Variants in SLC30A8 observed in about 807,000 individuals in gnomAD.
SLC30A8 encodes solute carrier family 30 member 8, also known as proton-coupled zinc antiporter SLC30A8.
SLC30A8 carries 27 observed loss-of-function variants against 36.9 expected under a neutral mutation model. That is an observed-to-expected ratio of 0.73 (90% CI 0.54 to 1.01). SLC30A8 has a LOEUF of 1.01. SLC30A8 is among the 50% of genes least tolerant of loss of function. SLC30A8 has a pLI of 0.00. For missense variants in SLC30A8, 439 were observed against 452.0 expected, an observed-to-expected ratio of 0.97 and a Z score of 0.26; for synonymous variants, 164 against 172.4, an observed-to-expected ratio of 0.95 and a Z score of 0.38.
chr8:116,977,413 A>G (rs1386800567), intron 1 of SLC30A8, among the ~76,000 whole-genome samples: 1 of 149,236 alleles, frequency 6.7e-6, no homozygotes, highest in Non-Finnish European at 1.5e-5. Context: ...TCCACCTCCC[A>G]AAGTATTGGG....
chr8:117,058,156 T>C (rs1817925834), intron 2 of SLC30A8, among the ~76,000 whole-genome samples: 1 of 152,314 alleles, frequency 6.6e-6, no homozygotes, highest in Non-Finnish European at 1.5e-5. Context: ...GAGGACCTTT[T>C]TGTATGTCTG....
At chr8:117,049,333 A>G (rs1199826718) in intron 2 of SLC30A8, among the ~76,000 whole-genome samples, 1 of 152,252 alleles carries the variant, frequency 6.6e-6, no homozygotes, top group Non-Finnish European at 1.5e-5. Context: ...TTAGATGTAT[A>G]CGTAGTTACA....
intron 2 of SLC30A8, among the ~76,000 whole-genome samples, chr8:117,062,925 G>GA (rs1194331096): frequency 6.6e-6 from 1 of 152,164 alleles, no homozygotes; most frequent in Non-Finnish European, 1.5e-5. Context: ...TTCCTGATTG[G>GA]AATCCTCACT....
chr8:116,957,001 CATGAT>C (rs545402579), intron 1 of SLC30A8, among the ~76,000 whole-genome samples: 116 of 152,240 alleles, frequency 7.6e-4, no homozygotes, highest in African/African-American at 2.3e-3. Context: ...TTTCAATACT[CATGAT>C]ATGAGTGCAA....
intron 2 of SLC30A8, among the ~76,000 whole-genome samples, chr8:117,075,621 T>C (rs1395373682): frequency 6.6e-6 from 1 of 152,232 alleles, no homozygotes; most frequent in African/African-American, 2.4e-5. Flanking sequence ...AATTTTTTCT[T>C]TCTACATTGT....
intron 1 of SLC30A8, among the ~76,000 whole-genome samples, chr8:117,034,159 T>C (rs924781612): frequency 1.3e-5 from 2 of 152,172 alleles, no homozygotes; most frequent in African/African-American, 4.8e-5. Context: ...GCAGATTCAG[T>C]GAGATTAAAT....
rs1292566236 is a variant in SLC30A8, at chr8:117,175,916, T to C, written c.*3235T>C. 2 of 152,086 alleles carry C rather than the reference T, an allele frequency of 1.3e-5. No individual in the cohort carries two copies. Among genetic ancestry groups the C allele is most frequent in the African/African-American group, 2.4e-5 (1 of 41,434 alleles). 9.4% of individuals were successfully genotyped at this position (152,086 alleles called of 1,614,324 possible). ...ATTAATTAAAATAGTCGAATCCCTT[T>C]CTGACTGTCTCTGAAAGCTTCCGCT... On this transcript the variant is annotated 3_prime_UTR_variant, in exon 8 of 8. Coordinates refer to ENST00000456015, the MANE Select transcript of SLC30A8 (RefSeq NM_173851.3).
intron 1 of SLC30A8, among the ~76,000 whole-genome samples, chr8:117,028,491 A>G (rs756069629): frequency 6.6e-6 from 1 of 151,912 alleles, no homozygotes; most frequent in Non-Finnish European, 1.5e-5. Flanking sequence ...TGGAATTAGA[A>G]ACATGAGCTA....
chr8:117,013,709 A>T (rs536196918), intron 1 of SLC30A8, among the ~76,000 whole-genome samples: 1 of 152,130 alleles, frequency 6.6e-6, no homozygotes, highest in Non-Finnish European at 1.5e-5. Context: ...AGAATTATCT[A>T]GGAGGGACAG....
intron 1 of SLC30A8, among the ~76,000 whole-genome samples, chr8:116,976,816 TTCTTTC>T (rs1217827722): frequency 1.4e-5 from 2 of 142,546 alleles, no homozygotes; most frequent in African/African-American, 5.8e-5. Flanking sequence ...CTTTCTTTCT[TTCTTTC>T]TTTTTTTTTT....
In SLC30A8 at chr8:117,079,019, C is replaced by CT. The variant is rs369586312; in HGVS notation, c.-226+39771dup. Among the ~76,000 whole-genome samples the CT allele has an allele frequency of 9.2e-4, 136 of 147,472 alleles. 2 individuals are homozygous for CT. The highest frequency in any genetic ancestry group is 3.2e-3 in the African/African-American group (129 of 40,298). ...CTCTTTTTTCTTTTCTCTTTTTTGT[C>CT]TTTTTTTTTTGAGACAGAGTCTTGC... On this transcript the variant is annotated intron_variant, in intron 2 of 10. Coordinates refer to the SLC30A8 transcript ENST00000427715.
chr8:116,976,813 TC>T (rs1815034686), intron 1 of SLC30A8, among the ~76,000 whole-genome samples: 1 of 142,272 alleles, frequency 7.0e-6, no homozygotes, highest in Non-Finnish European at 1.5e-5. Context: ...TTTCTTTCTT[TC>T]TTTCTTTCTT....
intron 2 of SLC30A8, among the ~76,000 whole-genome samples, chr8:117,061,080 G>A (rs913416174): frequency 1.3e-5 from 2 of 152,188 alleles, no homozygotes; most frequent in Admixed American, 6.5e-5. Context: ...CAGAAAACGA[G>A]TATTGTTTTG....
At chr8:117,130,466 A>C (rs1373104112), upstream of SLC30A8, among the ~76,000 whole-genome samples, 1 of 151,994 alleles carries the variant, frequency 6.6e-6, no homozygotes, top group Non-Finnish European at 1.5e-5. Context: ...AAGGAAAATA[A>C]ACAGTGCTCA....
intron 2 of SLC30A8, chr8:117,055,882 G>A (rs1478979280): frequency 6.6e-6 from 1 of 152,226 alleles, no homozygotes; most frequent in African/African-American, 2.4e-5. Flanking sequence ...AACAAATGAA[G>A]AGGGATCTGC....
intron 2 of SLC30A8, among the ~76,000 whole-genome samples, chr8:117,085,343 G>A (rs35355401): frequency 0.12 from 18,453 of 152,072 alleles, 1,198 homozygotes; most frequent in East Asian, 0.14. Context: ...CTTCTACTCA[G>A]TTCTTTTCAC....
chr8:117,017,607 A>G (rs189752753), intron 1 of SLC30A8, among the ~76,000 whole-genome samples: 1 of 152,046 alleles, frequency 6.6e-6, no homozygotes, highest in African/African-American at 2.4e-5. Context: ...AATTGACACT[A>G]GTTCAGGCAG....
At chr8:117,069,433 G>A (rs1818262827) in intron 2 of SLC30A8, among the ~76,000 whole-genome samples, 2 of 152,106 alleles carry the variant, frequency 1.3e-5, no homozygotes, top group African/African-American at 4.8e-5. Flanking sequence ...CTCAAATGAT[G>A]AGTTTTATAT....
chr8:117,039,326 AT>A lies in SLC30A8; in HGVS notation c.-226+75del, dbSNP rs1172644224. 3.9e-5 allele frequency: 6 copies of A among 152,048 alleles called. No individual in the cohort carries two copies. In the South Asian group the frequency reaches 1.0e-3, roughly 26 times the overall value. The allele number at this position is 152,048 out of a possible 1,614,324, so 9.4% of individuals were successfully genotyped here. A position where few individuals can be genotyped will look rare whatever the true frequency, so the allele number is the denominator to read the frequency against. Reference sequence around the variant, plus strand: ...ATGTATAAATTTGGTAGTATGCTTTATTTTTTTCTTTAATTTTCATTAAAAT... The same window carrying A: ...ATGTATAAATTTGGTAGTATGCTTTATTTTTTCTTTAATTTTCATTAAAAT... On this transcript the variant is annotated intron_variant, in intron 2 of 10. Coordinates refer to the SLC30A8 transcript ENST00000427715.
Sources: allele counts gnomAD v4.1 joint callset (sites outside exome capture counted in the v4.1 genomes callset), GRCh38; gene constraint gnomAD v4.1.1; transcripts MANE v1.5; gene names NCBI Gene and HGNC (gene_info 2026-07-23, HGNC 2026-07-21).